The following SCARB1 variants were observed in gnomAD, a reference collection of about 807,000 sequenced individuals.
The protein encoded by SCARB1 is scavenger receptor class B member 1, also known as CD36 and LIMPII analogous 1.
Under a neutral mutation model 57.2 loss-of-function variants are expected in SCARB1, and 30 were observed. The ratio of observed to expected loss-of-function variants is 0.52; its 90% CI spans 0.39 to 0.71. The LOEUF (loss-of-function observed/expected upper bound fraction) is 0.71. SCARB1 is among the 30% of genes least tolerant of loss of function. The pLI is 0.00. For missense variants in SCARB1, 543 were observed against 671.2 expected (o/e 0.81, Z 2.11); for synonymous variants, 249 against 268.3 (o/e 0.93, Z 0.70).
At chr12:124,862,731 T>G (rs961655174) in intron 1 of SCARB1, among the ~76,000 whole-genome samples, 2 of 150,224 alleles carry the variant, frequency 1.3e-5, no homozygotes, top group Non-Finnish European at 3.0e-5. Flanking sequence ...TTAGTTCAAA[T>G]GTGATACTCT....
At chr12:124,863,090 T>TACCATGTGAGCTGGGCACCC (rs1952967836) in intron 1 of SCARB1, among the ~76,000 whole-genome samples, 1 of 152,310 alleles carries the variant, frequency 6.6e-6, no homozygotes, top group African/African-American at 2.4e-5. Context: ...GCTGAGCACC[T>TACCATGTGAGCTGGGCACCC]ACCATGTGAG....
At chr12:124,859,712 A>G (rs1344493856) in intron 1 of SCARB1, among the ~76,000 whole-genome samples, 2 of 152,168 alleles carry the variant, frequency 1.3e-5, no homozygotes, top group East Asian at 3.8e-4. Flanking sequence ...GTTCACACCT[A>G]TCATCCCAGT....
Position 124,814,842 on chromosome 12 carries a change from G to A in SCARB1, c.426+131C>T. 8.3e-7 allele frequency: 1 copy of A among 1,198,062 alleles called. No homozygotes were observed. Among genetic ancestry groups the A allele is most frequent in the Non-Finnish European group, 1.2e-6 (1 of 833,366 alleles). 74.2% of individuals were successfully genotyped at this position (1,198,062 alleles called of 1,614,324 possible). ...TGGTGGAGACAGCACAGGGCCGAAA[G>A]CCACCCACCAGGCGTGAGTCCCCAC... On this transcript the variant is annotated intron_variant, in intron 3 of 12. Transcript: ENST00000261693. The surrounding 1 kb of genome is among the most constrained non-coding windows in gnomAD (Gnocchi z 4.7).
intron 11 of SCARB1, chr12:124,783,032 C>T: frequency 1.9e-6 from 1 of 538,440 alleles, no homozygotes; most frequent in Non-Finnish European, 3.3e-6. Flanking sequence ...GGTGGACAAG[C>T]CAAGCTGAAA....
At position 124,824,686 on chromosome 12, in the gene SCARB1, C is replaced by T. The variant is rs536798538; in HGVS notation, c.127-6979G>A. On this transcript the variant is annotated intron_variant, in intron 1 of 12. Transcript: ENST00000261693. Reference sequence around the variant, plus strand: ...CCGCTGTGCACAGCGGGGGTCAGGCCACTGGGGAGTCGGGACAGTTTCTAA... The same window carrying T: ...CCGCTGTGCACAGCGGGGGTCAGGCTACTGGGGAGTCGGGACAGTTTCTAA... 6.3e-4 allele frequency among the ~76,000 whole-genome samples: 96 copies of T among 152,274 alleles called. 2 individuals carry two copies. Among genetic ancestry groups the T allele is most frequent in the East Asian group, 1.5e-3 (8 of 5,176 alleles).
rs1350597020 is a variant in SCARB1 at position 124,778,474 on chromosome 12, G to A, written c.*113C>T. 2 of 1,339,362 alleles carry A rather than the reference G, an allele frequency of 1.5e-6. No individual in the cohort carries two copies. Among genetic ancestry groups the A allele is most frequent in the Non-Finnish European group, 1.9e-6 (2 of 1,042,574 alleles). 83.0% of individuals were successfully genotyped at this position (1,339,362 alleles called of 1,614,324 possible). A position where few individuals can be genotyped will look rare whatever the true frequency, so the allele number is the denominator to read the frequency against. On this transcript the variant is annotated 3_prime_UTR_variant, in exon 13 of 13. Transcript: ENST00000261693. ...ACATGGCAGCTGGGAGGCTCAGGCT[G>A]TGGGGCTGGGGGGCTGTCCGCTGGG...
At position 124,853,237 on chromosome 12, in the gene SCARB1, C is replaced by T. The variant is rs564212149; in HGVS notation, c.126+10358G>A. ...CCCTGAGGCAGGACAGCATGTGACA[C>T]GTTGGAGGAAAAGGAAGGCCTGTGA... On this transcript the variant is annotated intron_variant, in intron 1 of 12. Transcript: ENST00000261693. Among the ~76,000 whole-genome samples the T allele has an allele frequency of 2.4e-3, 368 of 152,158 alleles. 5 individuals carry two copies. The highest frequency in any genetic ancestry group is 0.014 in the South Asian group (69 of 4,820).
chr12:124,850,611 G>A (rs1283891045), intron 1 of SCARB1, among the ~76,000 whole-genome samples: 3 of 151,582 alleles, frequency 2.0e-5, no homozygotes, highest in Admixed American at 1.3e-4. Context: ...CAAAGGTTGC[G>A]GTGAGCCGAG....
chr12:124,824,269 T>C (rs1258483265), intron 1 of SCARB1, among the ~76,000 whole-genome samples: 3 of 150,976 alleles, frequency 2.0e-5, no homozygotes, highest in African/African-American at 4.9e-5. Context: ...AAACCTGACA[T>C]GGAGTGAAAG....
chr12:124,845,623 T>G (rs1440719819), intron 1 of SCARB1, among the ~76,000 whole-genome samples: 1 of 149,406 alleles, frequency 6.7e-6, no homozygotes, highest in Non-Finnish European at 1.5e-5. Flanking sequence ...GAGAATCGCT[T>G]GAACCCAGGA....
At chr12:124,823,132 T>A (rs1951007612) in intron 1 of SCARB1, among the ~76,000 whole-genome samples, 1 of 152,056 alleles carries the variant, frequency 6.6e-6, no homozygotes, top group South Asian at 2.1e-4. Context: ...CCTGGGAGGT[T>A]GGGGGATAAG....
intron 1 of SCARB1, among the ~76,000 whole-genome samples, chr12:124,848,860 C>T (rs1248849300): frequency 6.6e-6 from 1 of 152,190 alleles, no homozygotes; most frequent in South Asian, 2.1e-4. Flanking sequence ...TGCAGCAAAG[C>T]GTGCATAGTA....
intron 11 of SCARB1, chr12:124,785,871 G>A (rs1282166063): frequency 3.5e-6 from 2 of 569,178 alleles, no homozygotes; most frequent in Non-Finnish European, 6.1e-6. Flanking sequence ...ATTTCTATTT[G>A]GCTCTAACCC....
At chr12:124,858,227 T>G (rs1226600391) in intron 1 of SCARB1, among the ~76,000 whole-genome samples, 1 of 152,224 alleles carries the variant, frequency 6.6e-6, no homozygotes, top group Non-Finnish European at 1.5e-5. Context: ...TCTCTTCAGC[T>G]TGTCTCCTTA....
rs778973780 is a variant in SCARB1, at chr12:124,814,180, C to G, written c.630+22G>C. On this transcript the variant is annotated intron_variant, in intron 4 of 12. Coordinates refer to ENST00000261693, the MANE Select transcript of SCARB1 (RefSeq NM_005505.5). This position sits in a 1 kb window ranked among gnomAD's most constrained non-coding sequence, Gnocchi z 4.7. ...ACAGGACACAGGCCTGAATCTTTGGCTTCTCACCAGGCCACACGTACCTCA... is the reference window on the plus strand; with the variant it reads ...ACAGGACACAGGCCTGAATCTTTGGGTTCTCACCAGGCCACACGTACCTCA... 9 of 1,611,252 alleles carry G rather than the reference C, an allele frequency of 5.6e-6. No homozygotes were observed. In the South Asian group the frequency reaches 9.9e-5, roughly 18 times the overall value.
At chr12:124,859,649 A>G (rs1952801604) in intron 1 of SCARB1, among the ~76,000 whole-genome samples, 1 of 152,146 alleles carries the variant, frequency 6.6e-6, no homozygotes, top group Non-Finnish European at 1.5e-5. Flanking sequence ...CCTTTTCCCA[A>G]ACTTTAACAT....
chr12:124,824,370 AG>A (rs1951059302), intron 1 of SCARB1, among the ~76,000 whole-genome samples: 1 of 152,222 alleles, frequency 6.6e-6, no homozygotes, highest in Non-Finnish European at 1.5e-5. Context: ...GGTGGTTGCC[AG>A]GGGCTGGGGC....
intron 1 of SCARB1, among the ~76,000 whole-genome samples, chr12:124,845,369 T>C (rs1353916291): frequency 6.6e-6 from 1 of 152,020 alleles, no homozygotes; most frequent in Non-Finnish European, 1.5e-5. Context: ...AGCCAGGCAC[T>C]TAAGGCCACA....
At chr12:124,857,752 G>A (rs146409015) in intron 1 of SCARB1, among the ~76,000 whole-genome samples, 2 of 152,342 alleles carry the variant, frequency 1.3e-5, no homozygotes, top group African/African-American at 2.4e-5. Flanking sequence ...TATTGAGACA[G>A]GGATCATAGG....
Sources: gnomAD v4.1 joint callset for allele counts (sites outside exome capture counted in the v4.1 genomes callset) on GRCh38, gnomAD v4.1.1 for gene constraint, Gnocchi (gnomAD v3.1) non-coding constraint, MANE v1.5 for transcripts, NCBI Gene and HGNC (gene_info 2026-07-23, HGNC 2026-07-21) for gene names.